Variants in NAV2 observed in about 807,000 individuals in gnomAD.
The protein encoded by NAV2 is neuron navigator 2.
A neutral mutation model predicts 223.2 loss-of-function variants in NAV2; 54 were observed. That is an observed-to-expected ratio of 0.24 (90% CI 0.19 to 0.30). The LOEUF is 0.30. NAV2 is among the 10% of genes least tolerant of loss of function. NAV2 has a pLI of 1.00. For missense variants in NAV2, 2,806 were observed against 3,147.5 expected (o/e 0.89, Z 2.60); for synonymous variants, 1,279 against 1,239.3 (o/e 1.03, Z -0.67).
intron 6 of NAV2, among the ~76,000 whole-genome samples, chr11:19,898,925 C>T (rs1222032715): frequency 6.6e-6 from 1 of 152,290 alleles, no homozygotes; most frequent in South Asian, 2.1e-4. Context: ...TGTTTACTGA[C>T]ACTGCTTTGA....
At chr11:20,033,653 T>A (rs185503967) in intron 11 of NAV2, among the ~76,000 whole-genome samples, 96 of 152,190 alleles carry the variant, frequency 6.3e-4, no homozygotes, top group South Asian at 1.2e-3. Context: ...TCCCCTGCAT[T>A]TCTGTGCGAT....
At chr11:20,100,709 G>C (rs141926339) in intron 31 of NAV2, among the ~76,000 whole-genome samples, 2 of 152,100 alleles carry the variant, frequency 1.3e-5, no homozygotes, top group African/African-American at 4.8e-5. Flanking sequence ...TGGGAAGTTA[G>C]CCAAGACAGG....
At chr11:20,009,974 C>A (rs74809393) in intron 11 of NAV2, among the ~76,000 whole-genome samples, 10,550 of 151,696 alleles carry the variant, frequency 0.07, 408 homozygotes, top group South Asian at 0.11. Context: ...CCTATTATAA[C>A]TGTCTGCTAC....
At chr11:20,099,105 G>A (rs373949498) in intron 31 of NAV2, among the ~76,000 whole-genome samples, 12 of 152,336 alleles carry the variant, frequency 7.9e-5, no homozygotes, top group Non-Finnish European at 1.6e-4. Flanking sequence ...GGATTTGTCC[G>A]AGCCTGGGCA....
intron 9 of NAV2, among the ~76,000 whole-genome samples, chr11:19,946,865 T>A (rs2153360749): frequency 6.6e-6 from 1 of 152,372 alleles, no homozygotes; most frequent in East Asian, 1.9e-4. Context: ...ATAGCTTGAA[T>A]TCCTACCCAA....
At chr11:19,532,041 T>A (rs2044042297) in intron 1 of NAV2, among the ~76,000 whole-genome samples, 1 of 152,104 alleles carries the variant, frequency 6.6e-6, no homozygotes, top group Admixed American at 6.5e-5. Context: ...GCAAAAGTAA[T>A]TGTGGTGTTT....
intron 1 of NAV2, among the ~76,000 whole-genome samples, chr11:19,469,769 A>G (rs574627687): frequency 6.6e-6 from 1 of 152,338 alleles, no homozygotes; most frequent in Non-Finnish European, 1.5e-5. Flanking sequence ...TGTCTGTTCT[A>G]CATCTTTTTA....
chr11:19,353,776 C>A (rs1934112184), intron 1 of NAV2, among the ~76,000 whole-genome samples: 1 of 152,164 alleles, frequency 6.6e-6, no homozygotes, highest in South Asian at 2.1e-4. Context: ...CATCACAAAT[C>A]TGAATGTTAT....
At chr11:19,445,884 T>C (rs2046575) in intron 1 of NAV2, among the ~76,000 whole-genome samples, 37,697 of 152,004 alleles carry the variant, frequency 0.25, 5,118 homozygotes, top group Non-Finnish European at 0.31. Context: ...AGGTAGGTGA[T>C]GTTATTATCC....
At chr11:19,398,987 T>G (rs535846679) in intron 1 of NAV2, among the ~76,000 whole-genome samples, 2 of 152,216 alleles carry the variant, frequency 1.3e-5, no homozygotes, top group Non-Finnish European at 2.9e-5. Context: ...GAGCTTCAGT[T>G]TGCCTATTGG....
intron 4 of NAV2, among the ~76,000 whole-genome samples, chr11:19,873,963 C>G (rs1412652145): frequency 1.3e-5 from 2 of 152,132 alleles, no homozygotes; most frequent in African/African-American, 4.8e-5. Flanking sequence ...GCTGGGTAAA[C>G]CTCACACAAC....
At position 20,048,855 on chromosome 11, in the gene NAV2, A is replaced by C. The variant is rs1591839559; in HGVS notation, c.4030A>C (p.Ser1344Arg). The C allele has an allele frequency of 2.5e-6, 4 of 1,614,172 alleles. No homozygotes were observed. Among genetic ancestry groups the C allele is most frequent in the Non-Finnish European group, 3.4e-6 (4 of 1,180,016 alleles). The part of the protein sequence containing the change: ...QQGNLDSPSG[S>R]GVLSSGSSSP... ...AGGTAACCTAGACTCCCCGTCAGGC[A>C]GTGGCGTCCTGAGCAGTGGGAGCAG... The change falls in exon 15 of 38, where the codon AGT (serine) becomes CGT (arginine). Residue 1344 changes from serine to arginine, a missense_variant. By Grantham distance (110) the Ser-to-Arg change is moderately radical. Transcript: ENST00000349880.
intron 1 of NAV2, among the ~76,000 whole-genome samples, chr11:19,697,487 C>G (rs1590107247): frequency 6.6e-6 from 1 of 150,858 alleles, no homozygotes; most frequent in Non-Finnish European, 1.5e-5. Context: ...TAGGGCAATG[C>G]AGGAAGAGAC....
chr11:19,534,789 A>G (rs1448314056), intron 1 of NAV2, among the ~76,000 whole-genome samples: 3 of 152,182 alleles, frequency 2.0e-5, no homozygotes, highest in Non-Finnish European at 4.4e-5. Flanking sequence ...ACCCTAACCT[A>G]TAGCAAACAG....
rs1564959991 is a variant in NAV2 at position 19,467,010 on chromosome 11, C to CACACACACACACACACACACAG, written c.75+115992_75+115993insCACACACACACAGACACACACA. Among the ~76,000 whole-genome samples the CACACACACACACACACACACAG allele has an allele frequency of 6.1e-4, 83 of 135,978 alleles. 1 individual carries two copies. Among genetic ancestry groups the CACACACACACACACACACACAG allele is most frequent in the Middle Eastern group, 3.7e-3 (1 of 272 alleles). 89.2% of individuals were successfully genotyped at this position (135,978 alleles called of 152,430 possible). ...ACACACACACACACACACACACACA[C>CACACACACACACACACACACAG]ACACACACAGAGAGAGAGAGAGAGA... is the stretch of plus-strand genomic sequence containing the variant. On this transcript the variant is annotated intron_variant, in intron 1 of 37. Transcript: ENST00000360655.
At chr11:19,714,428 G>A (rs1160367451) in intron 1 of NAV2, 1 of 458,748 alleles carries the variant, frequency 2.2e-6, no homozygotes, top group African/African-American at 2.0e-5. Flanking sequence ...GTAAGATCCA[G>A]GAAGAAAAGG....
At chr11:19,890,446 C>G (rs1460935901) in intron 5 of NAV2, among the ~76,000 whole-genome samples, 1 of 152,164 alleles carries the variant, frequency 6.6e-6, no homozygotes, top group Non-Finnish European at 1.5e-5. Context: ...TGCATCTTTT[C>G]CCTCTTCATT....
At chr11:20,005,342 T>G (rs1365220752) in intron 11 of NAV2, among the ~76,000 whole-genome samples, 1 of 149,674 alleles carries the variant, frequency 6.7e-6, no homozygotes, top group African/African-American at 2.5e-5. Context: ...GCTTCCCGGG[T>G]TCAAGCAATT....
intron 1 of NAV2, among the ~76,000 whole-genome samples, chr11:19,780,242 G>A (rs2056622237): frequency 6.6e-6 from 1 of 152,180 alleles, no homozygotes; most frequent in African/African-American, 2.4e-5. Context: ...AGGGTCACAG[G>A]CCTTTGATGA....
Sources: allele counts gnomAD v4.1 joint callset (sites outside exome capture counted in the v4.1 genomes callset), GRCh38; gene constraint gnomAD v4.1.1; transcripts MANE v1.5; gene names NCBI Gene and HGNC (gene_info 2026-07-23, HGNC 2026-07-21).